The following CDH18 variants were observed in gnomAD, a reference collection of about 807,000 sequenced individuals.
CDH18 encodes cadherin-18.
Under a neutral mutation model 67.9 loss-of-function variants are expected in CDH18, and 31 were observed. The ratio of observed to expected loss-of-function variants is 0.46; its 90% CI spans 0.34 to 0.62. The LOEUF (loss-of-function observed/expected upper bound fraction) is 0.62. Among genes scored for constraint, CDH18 ranks in the 20% least tolerant of loss-of-function variants. The probability of loss-of-function intolerance (pLI) is 0.01; values close to 1 mark genes in which losing one functional copy is unlikely to be tolerated. For synonymous variants in CDH18, 362 were observed against 347.2 expected, an observed-to-expected ratio of 1.04 and a Z score of -0.48; for missense variants, 890 against 975.5, an observed-to-expected ratio of 0.91 and a Z score of 1.17.
chr5:19,608,346 C>A (rs1748405707), intron 6 of CDH18, among the ~76,000 whole-genome samples: 1 of 151,548 alleles, frequency 6.6e-6, no homozygotes, highest in Non-Finnish European at 1.5e-5. Flanking sequence ...GACCTCAATT[C>A]TTTGATAATT....
rs144612386 is a variant in CDH18, at chr5:19,758,392, A to G, written c.229-11156T>C. Among the ~76,000 whole-genome samples, 70 of 152,344 alleles carry G rather than the reference A, an allele frequency of 4.6e-4. 1 individual carries two copies. The East Asian group carries it at 0.011, about 24-fold the overall frequency. On this transcript the variant is annotated intron_variant, in intron 3 of 12. Transcript: ENST00000382275. ...TTGCTCCAAAATCATAGAGGCCTCC[A>G]CTGTGATTCACCTATGGTGGCCTGC...
At chr5:20,152,591 A>C (rs1430103440) in intron 2 of CDH18, among the ~76,000 whole-genome samples, 1 of 152,122 alleles carries the variant, frequency 6.6e-6, no homozygotes, top group Non-Finnish European at 1.5e-5. Context: ...GAAGATAAGA[A>C]GTTATCTCCT....
chr5:19,574,381 G>A (rs1470148330), intron 7 of CDH18, among the ~76,000 whole-genome samples: 3 of 152,022 alleles, frequency 2.0e-5, no homozygotes, highest in Non-Finnish European at 4.4e-5. Flanking sequence ...GTGGAGCCAT[G>A]AAAAAAATGA....
intron 1 of CDH18, among the ~76,000 whole-genome samples, chr5:20,562,755 A>G (rs1317800508): frequency 2.0e-5 from 3 of 151,902 alleles, no homozygotes; most frequent in African/African-American, 7.2e-5. Flanking sequence ...TAACTTTCTT[A>G]ATGTAAAATT....
intron 1 of CDH18, among the ~76,000 whole-genome samples, chr5:20,291,380 G>A (rs1366832528): frequency 2.6e-5 from 4 of 152,124 alleles, no homozygotes; most frequent in African/African-American, 7.2e-5. Context: ...GACAGTTAAA[G>A]TGAATGATGA....
chr5:20,410,823 T>C (rs1746710397), intron 1 of CDH18, among the ~76,000 whole-genome samples: 1 of 151,664 alleles, frequency 6.6e-6, no homozygotes, highest in Admixed American at 6.6e-5. Context: ...GCAAACTACG[T>C]GAAAAGGAAA....
rs771335032 is a variant in CDH18 at position 19,747,239 on chromosome 5, G to A, written c.229-3C>T. The A allele has an allele frequency of 1.2e-6, 2 of 1,608,434 alleles. No homozygotes were observed. Among genetic ancestry groups the A allele is most frequent in the Admixed American group, 3.3e-5 (2 of 59,832 alleles). ...CCTTTGTCAGAATTGGAGTGCAGCT[G>A]TGAAATACACATGGAATAATTTAGC... On this transcript the variant is annotated splice_region_variant and splice_polypyrimidine_tract_variant and intron_variant, in intron 3 of 12. Transcript: ENST00000382275.
intron 2 of CDH18, among the ~76,000 whole-genome samples, chr5:19,903,780 G>A (rs1313471810): frequency 6.6e-6 from 1 of 151,736 alleles, no homozygotes; most frequent in Non-Finnish European, 1.5e-5. Context: ...GACACAGAGG[G>A]TTCCTTCCAA....
At chr5:19,647,527 C>CAAAAA (rs3062888) in intron 5 of CDH18, among the ~76,000 whole-genome samples, 939 of 28,778 alleles carry the variant, frequency 0.033, 167 homozygotes, top group Non-Finnish European at 0.043. Flanking sequence ...GAGACTCCAT[C>CAAAAA]AAAAAAAAAA....
intron 1 of CDH18, among the ~76,000 whole-genome samples, chr5:20,392,519 C>T (rs999333454): frequency 6.6e-6 from 1 of 151,756 alleles, no homozygotes. Flanking sequence ...TCTTATAACT[C>T]ACTATTCAGT....
chr5:19,911,021 TAGAG>T (rs1791083816), intron 2 of CDH18, among the ~76,000 whole-genome samples: 1 of 151,906 alleles, frequency 6.6e-6, no homozygotes, highest in Non-Finnish European at 1.5e-5. Context: ...AATTTTCAGG[TAGAG>T]AGAGATTAGA....
chr5:20,284,629 A>G (rs1281297224), intron 1 of CDH18, among the ~76,000 whole-genome samples: 2 of 151,974 alleles, frequency 1.3e-5, no homozygotes, highest in African/African-American at 2.4e-5. Context: ...TTAATCCTGC[A>G]CCTAAAACAC....
At chr5:20,413,009 C>T (rs1746927998) in intron 1 of CDH18, among the ~76,000 whole-genome samples, 1 of 152,118 alleles carries the variant, frequency 6.6e-6, no homozygotes. Context: ...TCCCGCCCTG[C>T]GTCCAAGTGT....
At chr5:19,750,866 C>T (rs565634648) in intron 3 of CDH18, among the ~76,000 whole-genome samples, 5 of 149,428 alleles carry the variant, frequency 3.3e-5, no homozygotes, top group South Asian at 2.2e-4. Context: ...TGGGATTTTG[C>T]AAAGCAGGCT....
At chr5:19,840,522 G>A (rs1782183919) in intron 2 of CDH18, among the ~76,000 whole-genome samples, 1 of 151,824 alleles carries the variant, frequency 6.6e-6, no homozygotes, top group South Asian at 2.1e-4. Context: ...GTCCAACATG[G>A]TGAAATCCCA....
intron 1 of CDH18, among the ~76,000 whole-genome samples, chr5:20,526,939 C>G (rs955197584): frequency 2.0e-5 from 3 of 152,008 alleles, no homozygotes; most frequent in African/African-American, 7.3e-5. Flanking sequence ...GACAAACCGA[C>G]AGAAGTAGGC....
chr5:20,068,377 C>T (rs112849941), intron 2 of CDH18, among the ~76,000 whole-genome samples: 1 of 152,038 alleles, frequency 6.6e-6, no homozygotes, highest in African/African-American at 2.4e-5. Context: ...AAAATATGTG[C>T]TAAAAATATA....
intron 3 of CDH18, among the ~76,000 whole-genome samples, chr5:19,776,900 T>C (rs55700215): frequency 0.062 from 9,480 of 152,288 alleles, 342 homozygotes; most frequent in Non-Finnish European, 0.081. Context: ...AAATCACTCA[T>C]CATTATGTCC....
At chr5:20,178,156 A>G (rs7713024) in intron 2 of CDH18, among the ~76,000 whole-genome samples, 76,837 of 151,746 alleles carry the variant, frequency 0.51, 19,909 homozygotes, top group Middle Eastern at 0.65. Context: ...GTTGCATTTG[A>G]CATTGGACTT....
Sources: gnomAD v4.1 joint callset for allele counts (sites outside exome capture counted in the v4.1 genomes callset) on GRCh38, gnomAD v4.1.1 for gene constraint, MANE v1.5 for transcripts, NCBI Gene and HGNC (gene_info 2026-07-23, HGNC 2026-07-21) for gene names.